The following FIGN variants were observed in gnomAD, a reference collection of about 807,000 sequenced individuals.
FIGN encodes fidgetin.
A neutral mutation model predicts 51.3 loss-of-function variants in FIGN; 11 were observed. The ratio of observed to expected loss-of-function variants is 0.21; its 90% CI spans 0.13 to 0.35. The LOEUF (loss-of-function observed/expected upper bound fraction) is 0.35. Among genes scored for constraint, FIGN ranks in the 10% least tolerant of loss-of-function variants. The probability of loss-of-function intolerance (pLI) is 1.00; values close to 1 mark genes in which losing one functional copy is unlikely to be tolerated. For synonymous variants in FIGN, 407 were observed against 363.2 expected (o/e 1.12, Z -1.37); for missense variants, 857 against 943.6 (o/e 0.91, Z 1.20).
chr2:163,692,093 C>G (rs568986658), intron 2 of FIGN, among the ~76,000 whole-genome samples: 1 of 152,218 alleles, frequency 6.6e-6, no homozygotes, highest in Non-Finnish European at 1.5e-5. Context: ...TTCCATTTTG[C>G]TTTATTACTG....
chr2:163,631,697 C>A (rs543654235), intron 2 of FIGN, among the ~76,000 whole-genome samples: 1 of 151,932 alleles, frequency 6.6e-6, no homozygotes, highest in African/African-American at 2.4e-5. Flanking sequence ...TCAAATGTAC[C>A]CCCTACTAGA....
chr2:163,719,165 C>G (rs1470981161), intron 2 of FIGN, among the ~76,000 whole-genome samples: 3 of 152,184 alleles, frequency 2.0e-5, no homozygotes, highest in Non-Finnish European at 4.4e-5. Flanking sequence ...CGATTCCGAT[C>G]TGAAGCCTAC....
chr2:163,669,805 G>A (rs997578652), intron 2 of FIGN, among the ~76,000 whole-genome samples: 9 of 152,088 alleles, frequency 5.9e-5, no homozygotes, highest in African/African-American at 2.2e-4. Context: ...TATTTCCCTA[G>A]TGACAATAAA....
intron 2 of FIGN, among the ~76,000 whole-genome samples, chr2:163,634,545 T>C (rs934997876): frequency 6.6e-6 from 1 of 152,148 alleles, no homozygotes; most frequent in Non-Finnish European, 1.5e-5. Flanking sequence ...GTCCCTGAGG[T>C]CGCTTATCTT....
At chr2:163,689,173 A>AACATACACACACACAC (rs1684199532) in intron 2 of FIGN, among the ~76,000 whole-genome samples, 1 of 144,656 alleles carries the variant, frequency 6.9e-6, no homozygotes, top group Non-Finnish European at 1.5e-5. Flanking sequence ...AACAAAAATG[A>AACATACACACACACAC]ACACACACAC....
chr2:163,700,795 C>T (rs1334448100), intron 2 of FIGN, among the ~76,000 whole-genome samples: 1 of 152,064 alleles, frequency 6.6e-6, no homozygotes, highest in Non-Finnish European at 1.5e-5. Context: ...ATGGCTTTTC[C>T]TCTGATAGCT....
rs982006625 is a variant in FIGN at position 163,604,779 on chromosome 2, CAA to C, written c.*4771_*4772del. Reference sequence around the variant, plus strand: ...ACTCATACACACACACACCCACATACAAGAGAGAGCGAGAGTTAGAGACAGAG... The same window carrying C: ...ACTCATACACACACACACCCACATACGAGAGAGCGAGAGTTAGAGACAGAG... On this transcript the variant is annotated 3_prime_UTR_variant, in exon 3 of 3. Transcript: ENST00000333129. The C allele has an allele frequency of 4.7e-5, 7 of 147,872 alleles. No homozygotes were observed. Among genetic ancestry groups the C allele is most frequent in the African/African-American group, 1.7e-4 (7 of 40,208 alleles). The allele number at this position is 147,872 out of a possible 1,614,324, so 9.2% of individuals were successfully genotyped here.
intron 2 of FIGN, among the ~76,000 whole-genome samples, chr2:163,690,882 C>T (rs928015336): frequency 6.6e-6 from 1 of 151,888 alleles, no homozygotes; most frequent in Non-Finnish European, 1.5e-5. Flanking sequence ...ACCTAACAGG[C>T]CTTCTCATGA....
intron 2 of FIGN, among the ~76,000 whole-genome samples, chr2:163,710,544 A>C (rs1317851682): frequency 1.3e-5 from 2 of 152,208 alleles, no homozygotes; most frequent in Admixed American, 1.3e-4. Flanking sequence ...TGTTTGCAAA[A>C]AGCAAAGTAA....
At chr2:163,710,030 G>C (rs1162604477) in intron 2 of FIGN, among the ~76,000 whole-genome samples, 1 of 152,110 alleles carries the variant, frequency 6.6e-6, no homozygotes, top group Non-Finnish European at 1.5e-5. Flanking sequence ...GGTTGTTTCT[G>C]TACTGTGAAG....
intron 2 of FIGN, among the ~76,000 whole-genome samples, chr2:163,680,226 A>T (rs1184043584): frequency 6.6e-6 from 1 of 152,192 alleles, no homozygotes; most frequent in Non-Finnish European, 1.5e-5. Flanking sequence ...CTCCAAAATT[A>T]AGCCTTCAGA....
At chr2:163,633,035 T>A (rs1379954790) in intron 2 of FIGN, among the ~76,000 whole-genome samples, 1 of 151,880 alleles carries the variant, frequency 6.6e-6, no homozygotes, top group African/African-American at 2.4e-5. Flanking sequence ...CCTTTTAAAA[T>A]TCGCCAGGTG....
intron 2 of FIGN, among the ~76,000 whole-genome samples, chr2:163,664,127 G>T (rs1439515354): frequency 6.6e-6 from 1 of 152,134 alleles, no homozygotes; most frequent in African/African-American, 2.4e-5. Flanking sequence ...ATGTGATCAG[G>T]ACTGAGGATG....
chr2:163,638,210 G>A (rs565158830), intron 2 of FIGN, among the ~76,000 whole-genome samples: 128 of 151,972 alleles, frequency 8.4e-4, no homozygotes, highest in African/African-American at 3.0e-3. Flanking sequence ...GCTAGTGTGA[G>A]AGTCGCCAAA....
At chr2:163,724,388 T>A (rs1246201519) in intron 2 of FIGN, among the ~76,000 whole-genome samples, 1 of 152,178 alleles carries the variant, frequency 6.6e-6, no homozygotes, top group East Asian at 1.9e-4. Context: ...GACATTTTTT[T>A]AAAAGGTAAA....
At chr2:163,708,297 T>G (rs1206153218) in intron 2 of FIGN, among the ~76,000 whole-genome samples, 1 of 152,164 alleles carries the variant, frequency 6.6e-6, no homozygotes, top group Non-Finnish European at 1.5e-5. Flanking sequence ...TAAATGTAAT[T>G]AAGACTGTTC....
chr2:163,630,675 A>AG (rs5835954), intron 2 of FIGN, among the ~76,000 whole-genome samples: 35,439 of 142,458 alleles, frequency 0.25, 4,377 homozygotes, highest in African/African-American at 0.3. Flanking sequence ...TACAAAAAAA[A>AG]GGGGGGGGGG....
chr2:163,731,391 C>T (rs1243276218), intron 2 of FIGN, among the ~76,000 whole-genome samples: 1 of 152,046 alleles, frequency 6.6e-6, no homozygotes, highest in Non-Finnish European at 1.5e-5. Context: ...GGAAATACTA[C>T]CTATTTTCTT....
intron 2 of FIGN, among the ~76,000 whole-genome samples, chr2:163,630,803 ACTTTTTATT>A (rs1342375780): frequency 3.9e-5 from 6 of 152,306 alleles, no homozygotes; most frequent in Non-Finnish European, 8.8e-5. Flanking sequence ...GCCTGAAACA[ACTTTTTATT>A]ATCTCTCCCT....
Sources: allele counts gnomAD v4.1 joint callset (sites outside exome capture counted in the v4.1 genomes callset), GRCh38; gene constraint gnomAD v4.1.1; transcripts MANE v1.5; gene names NCBI Gene and HGNC (gene_info 2026-07-23, HGNC 2026-07-21).